E2F3: variants seen among roughly 807,000 people sequenced by gnomAD.
E2F3 encodes E2F transcription factor 3, also known as transcription factor E2F3.
A neutral mutation model predicts 44.4 loss-of-function variants in E2F3; 11 were observed. The observed-to-expected ratio is 0.25, with a 90% confidence interval of 0.16 to 0.41. E2F3 has a LOEUF of 0.41. E2F3 is among the 10% of genes least tolerant of loss of function. E2F3 has a pLI of 1.00. For synonymous variants in E2F3, 249 were observed against 253.0 expected, an observed-to-expected ratio of 0.98 and a Z score of 0.15; for missense variants, 487 against 583.6, an observed-to-expected ratio of 0.83 and a Z score of 1.70.
At chr6:20,466,248 G>C (rs1214459847) in intron 1 of E2F3, among the ~76,000 whole-genome samples, 3 of 152,034 alleles carry the variant, frequency 2.0e-5, no homozygotes, top group Non-Finnish European at 4.4e-5. Context: ...GAGTAGCTGG[G>C]ACTACTCATG....
At chr6:20,425,392 T>C (rs1025273928) in intron 1 of E2F3, among the ~76,000 whole-genome samples, 1 of 151,000 alleles carries the variant, frequency 6.6e-6, no homozygotes, top group Admixed American at 6.6e-5. Context: ...TTCTACTTTT[T>C]TTTTTTTTTT....
intron 1 of E2F3, among the ~76,000 whole-genome samples, chr6:20,407,679 T>G (rs1489828011): frequency 6.6e-6 from 1 of 152,236 alleles, no homozygotes; most frequent in East Asian, 1.9e-4. Flanking sequence ...TCCTAGGGAT[T>G]TGGACCCATT....
At chr6:20,461,058 T>C (rs1423294434) in intron 1 of E2F3, among the ~76,000 whole-genome samples, 1 of 145,346 alleles carries the variant, frequency 6.9e-6, no homozygotes, top group African/African-American at 2.6e-5. Flanking sequence ...CACTGCCAGG[T>C]AATCCTCCAA....
intron 1 of E2F3, among the ~76,000 whole-genome samples, chr6:20,412,171 G>A (rs745342966): frequency 1.3e-5 from 2 of 152,176 alleles, no homozygotes; most frequent in Admixed American, 6.5e-5. Context: ...CAGTTGTGTG[G>A]TGTCGACAGA....
intron 1 of E2F3, among the ~76,000 whole-genome samples, chr6:20,431,995 T>C (rs893463882): frequency 1.5e-4 from 23 of 152,234 alleles, no homozygotes; most frequent in Non-Finnish European, 1.2e-4. Context: ...CGGGTGTCTT[T>C]TCCTTCAGAT....
intron 1 of E2F3, among the ~76,000 whole-genome samples, chr6:20,458,407 A>G (rs1761386045): frequency 6.6e-6 from 1 of 152,148 alleles, no homozygotes; most frequent in Admixed American, 6.5e-5. Flanking sequence ...AGGTCAAGCA[A>G]TACCTACCAG....
At chr6:20,421,039 G>A (rs553919187) in intron 1 of E2F3, among the ~76,000 whole-genome samples, 29 of 152,190 alleles carry the variant, frequency 1.9e-4, no homozygotes, top group Admixed American at 7.9e-4. Flanking sequence ...TCAAGAAATC[G>A]CTTTATTTGC....
intron 1 of E2F3, among the ~76,000 whole-genome samples, chr6:20,444,465 G>T (rs528784478): frequency 1.3e-4 from 20 of 152,154 alleles, no homozygotes; most frequent in African/African-American, 4.1e-4. Context: ...CTACTTCTTA[G>T]TTCATTCCTA....
At chr6:20,420,954 C>T (rs1760006442) in intron 1 of E2F3, among the ~76,000 whole-genome samples, 2 of 152,230 alleles carry the variant, frequency 1.3e-5, no homozygotes, top group Admixed American at 1.3e-4. Context: ...TGTCCTGCTG[C>T]TTTATCAACT....
intron 1 of E2F3, among the ~76,000 whole-genome samples, chr6:20,418,326 G>A (rs968822074): frequency 2.0e-5 from 3 of 152,220 alleles, no homozygotes; most frequent in Admixed American, 6.5e-5. Flanking sequence ...AGTGGCAAGT[G>A]TTGAGCTCTT....
chr6:20,471,876 A>G (rs773774596), intron 1 of E2F3, among the ~76,000 whole-genome samples: 1 of 152,078 alleles, frequency 6.6e-6, no homozygotes, highest in Non-Finnish European at 1.5e-5. Context: ...CTTTTTCTCT[A>G]TGGATTTAGG....
chr6:20,403,794 G>A (rs756168168), intron 1 of E2F3: 14 of 1,475,230 alleles, frequency 9.5e-6, no homozygotes, highest in South Asian at 8.7e-5. Flanking sequence ...ACCTCCCCCC[G>A]GAGCCAGGCT....
chr6:20,465,155 T>C (rs1274295905), intron 1 of E2F3, among the ~76,000 whole-genome samples: 1 of 152,220 alleles, frequency 6.6e-6, no homozygotes, highest in Admixed American at 6.5e-5. Flanking sequence ...TTTTCCCACT[T>C]GTGTCCATAA....
At chr6:20,435,745 G>A (rs562100047) in intron 1 of E2F3, among the ~76,000 whole-genome samples, 4 of 152,078 alleles carry the variant, frequency 2.6e-5, no homozygotes, top group South Asian at 2.1e-4. Context: ...GGGAGACTCC[G>A]TCTCAAAAAA....
chr6:20,480,149 T>G (rs181096288), intron 2 of E2F3, 192 bp downstream of exon 2: 228 of 816,182 alleles, frequency 2.8e-4, no homozygotes, highest in Middle Eastern at 6.2e-4. Context: ...AGAGTCACAC[T>G]GGTACCATAA....
At chr6:20,471,172 C>A (rs946752033) in intron 1 of E2F3, among the ~76,000 whole-genome samples, 1 of 152,166 alleles carries the variant, frequency 6.6e-6, no homozygotes, top group Admixed American at 6.5e-5. Flanking sequence ...TTTTACTATT[C>A]ACACCTGCTT....
chr6:20,430,160 C>G (rs1481215912), intron 1 of E2F3, among the ~76,000 whole-genome samples: 1 of 152,144 alleles, frequency 6.6e-6, no homozygotes, highest in Non-Finnish European at 1.5e-5. Context: ...ATACACGATG[C>G]CAAGTTCAAT....
chr6:20,479,295 G>C (rs1237415260), intron 1 of E2F3, among the ~76,000 whole-genome samples: 1 of 152,216 alleles, frequency 6.6e-6, no homozygotes, highest in Non-Finnish European at 1.5e-5. Flanking sequence ...CCCAGGCTCT[G>C]TGCCAAGCAC....
intron 1 of E2F3, among the ~76,000 whole-genome samples, chr6:20,477,056 G>A (rs1762068643): frequency 6.6e-6 from 1 of 152,120 alleles, no homozygotes; most frequent in Non-Finnish European, 1.5e-5. Context: ...ACAACATTGG[G>A]GTTAGAGGTG....
Sources: allele counts gnomAD v4.1 joint callset (sites outside exome capture counted in the v4.1 genomes callset), GRCh38; gene constraint gnomAD v4.1.1; transcripts MANE v1.5; gene names NCBI Gene and HGNC (gene_info 2026-07-23, HGNC 2026-07-21).